The following FAM110B variants were observed in gnomAD, a reference collection of about 807,000 sequenced individuals.
The protein encoded by FAM110B is protein FAM110B.
FAM110B carries 6 observed loss-of-function variants against 20.4 expected under a neutral mutation model. The ratio of observed to expected loss-of-function variants is 0.29; its 90% CI spans 0.16 to 0.58. The LOEUF (loss-of-function observed/expected upper bound fraction) is 0.58, where lower values mean the gene tolerates loss of function less well. Among genes scored for constraint, FAM110B ranks in the 20% least tolerant of loss-of-function variants. The pLI, the probability that FAM110B is intolerant of heterozygous loss-of-function variation, is 0.90. For missense variants in FAM110B, 434 were observed against 498.2 expected, an observed-to-expected ratio of 0.87 and a Z score of 1.23; for synonymous variants, 226 against 214.1, an observed-to-expected ratio of 1.06 and a Z score of -0.49.
chr8:58,056,357 A>G (rs1241262220), intron 2 of FAM110B, among the ~76,000 whole-genome samples: 1 of 152,218 alleles, frequency 6.6e-6, no homozygotes, highest in East Asian at 1.9e-4. Context: ...GTGTAATTTA[A>G]ATATTTGGCT....
At chr8:58,106,577 G>A (rs1339007531) in intron 3 of FAM110B, among the ~76,000 whole-genome samples, 1 of 152,168 alleles carries the variant, frequency 6.6e-6, no homozygotes, top group Non-Finnish European at 1.5e-5. Flanking sequence ...AGGAACCCAG[G>A]GAAGGCAGAC....
chr8:58,024,944 T>A (rs1585820207), intron 1 of FAM110B, among the ~76,000 whole-genome samples: 1 of 152,210 alleles, frequency 6.6e-6, no homozygotes, highest in Admixed American at 6.5e-5. Context: ...CTATCTTCTG[T>A]AGACTTATAA....
At chr8:58,090,205 G>T (rs757938952) in intron 3 of FAM110B, among the ~76,000 whole-genome samples, 6 of 152,208 alleles carry the variant, frequency 3.9e-5, no homozygotes, top group Admixed American at 2.0e-4. Context: ...TGTTACCCAG[G>T]CTGGAGTGTG....
intron 3 of FAM110B, among the ~76,000 whole-genome samples, chr8:58,124,224 G>A (rs1440817077): frequency 1.3e-5 from 2 of 152,160 alleles, no homozygotes; most frequent in Admixed American, 6.5e-5. Context: ...TACTGGATTC[G>A]TTGGGTTACT....
chr8:58,013,746 T>A (rs564855305), intron 1 of FAM110B, among the ~76,000 whole-genome samples: 3 of 152,336 alleles, frequency 2.0e-5, no homozygotes, highest in East Asian at 1.9e-4. Context: ...TGGCACCACC[T>A]TTTTTACTTC....
intron 3 of FAM110B, among the ~76,000 whole-genome samples, chr8:58,130,823 A>C (rs1237474450): frequency 6.6e-6 from 1 of 152,232 alleles, no homozygotes; most frequent in African/African-American, 2.4e-5. Context: ...ATTATCACTC[A>C]TCAGATGATT....
chr8:58,073,947 A>G (rs1805966911), intron 2 of FAM110B, among the ~76,000 whole-genome samples: 1 of 152,212 alleles, frequency 6.6e-6, no homozygotes, highest in African/African-American at 2.4e-5. Context: ...TGCCACCAGT[A>G]AAATCTCTAC....
intron 3 of FAM110B, among the ~76,000 whole-genome samples, chr8:58,118,833 G>A (rs945759744): frequency 1.3e-5 from 2 of 152,194 alleles, no homozygotes; most frequent in African/African-American, 4.8e-5. Context: ...GCCTGAAACA[G>A]GTAGCAGTCC....
intron 1 of FAM110B, among the ~76,000 whole-genome samples, chr8:58,001,174 T>C (rs1275268578): frequency 6.6e-6 from 1 of 152,172 alleles, no homozygotes; most frequent in East Asian, 1.9e-4. Flanking sequence ...TAGTTCTTCT[T>C]AGTGAATCTG....
chr8:58,061,790 A>G (rs994164929), intron 2 of FAM110B, among the ~76,000 whole-genome samples: 3 of 152,210 alleles, frequency 2.0e-5, no homozygotes, highest in African/African-American at 7.2e-5. Flanking sequence ...AAGGTGCCCT[A>G]CATAGAGAGA....
intron 2 of FAM110B, among the ~76,000 whole-genome samples, chr8:58,058,381 T>G (rs2150583994): frequency 6.7e-6 from 1 of 148,870 alleles, no homozygotes; most frequent in Admixed American, 6.7e-5. Context: ...ATAAAGTATA[T>G]ATTAATTTCC....
At chr8:58,038,390 G>A (rs1020675767) in intron 2 of FAM110B, among the ~76,000 whole-genome samples, 2 of 152,118 alleles carry the variant, frequency 1.3e-5, no homozygotes, top group African/African-American at 2.4e-5. Context: ...AGGAGAAAAC[G>A]GAGATCATTT....
In FAM110B at chr8:58,093,812, G is replaced by A. The variant is rs1433585541; in HGVS notation, c.-325+18189G>A. Among the ~76,000 whole-genome samples, 4 of 152,130 alleles carry A rather than the reference G, an allele frequency of 2.6e-5. No homozygotes were observed. The East Asian group carries it at 7.7e-4, about 29-fold the overall frequency. On this transcript the variant is annotated intron_variant, in intron 3 of 3. Coordinates refer to ENST00000519262, the MANE Select transcript of FAM110B (RefSeq NM_001377989.1). ...AATCAATGGTAGCTTGATGGGGATAGCATTGAATCTATAAGTTACTTTGGG... is the reference window on the plus strand; with the variant it reads ...AATCAATGGTAGCTTGATGGGGATAACATTGAATCTATAAGTTACTTTGGG...
At chr8:58,004,053 G>A (rs908283162) in intron 1 of FAM110B, among the ~76,000 whole-genome samples, 2 of 152,108 alleles carry the variant, frequency 1.3e-5, no homozygotes, top group East Asian at 3.9e-4. Context: ...TGGGGGAGGG[G>A]GATGGTTTCA....
intron 3 of FAM110B, among the ~76,000 whole-genome samples, chr8:58,145,403 G>A (rs1258273642): frequency 2.0e-5 from 3 of 151,328 alleles, no homozygotes; most frequent in Non-Finnish European, 4.4e-5. Context: ...AGTGACTGTT[G>A]CAAGTATTCC....
intron 2 of FAM110B, among the ~76,000 whole-genome samples, chr8:58,050,183 A>G (rs17240058): frequency 0.024 from 3,689 of 152,020 alleles, 59 homozygotes; most frequent in East Asian, 0.04. Flanking sequence ...GGAGGATAGA[A>G]TATTCTTCAG....
intron 2 of FAM110B, among the ~76,000 whole-genome samples, chr8:58,066,423 TG>T (rs1194825588): frequency 6.6e-6 from 1 of 152,166 alleles, no homozygotes; most frequent in Non-Finnish European, 1.5e-5. Flanking sequence ...GTGGAGGAGC[TG>T]GGGCCAGGGC....
At chr8:58,083,012 T>TA (rs771811665) in intron 3 of FAM110B, among the ~76,000 whole-genome samples, 7,901 of 136,902 alleles carry the variant, frequency 0.058, 702 homozygotes, top group African/African-American at 0.19. Context: ...CCCTGATTCT[T>TA]AAAAAAAAAA....
intron 3 of FAM110B, among the ~76,000 whole-genome samples, chr8:58,134,082 ATTAT>A (rs58323074): frequency 0.086 from 13,064 of 152,258 alleles, 729 homozygotes; most frequent in Middle Eastern, 0.14. Context: ...TATTTTGAAG[ATTAT>A]TTATCCCACA....
Sources: gnomAD v4.1 joint callset for allele counts (sites outside exome capture counted in the v4.1 genomes callset) on GRCh38, gnomAD v4.1.1 for gene constraint, MANE v1.5 for transcripts, NCBI Gene and HGNC (gene_info 2026-07-23, HGNC 2026-07-21) for gene names.